The following PTPN9 variants were observed in gnomAD, a reference collection of about 807,000 sequenced individuals.
PTPN9 encodes the protein tyrosine-protein phosphatase non-receptor type 9.
In PTPN9, 26 loss-of-function variants were observed where a neutral mutation model predicts 69.8. The observed-to-expected ratio is 0.37, with a 90% CI of 0.27 to 0.52. The LOEUF is 0.52. Among genes scored for constraint, PTPN9 ranks in the 20% least tolerant of loss-of-function variants. The pLI is 0.91. For synonymous variants in PTPN9, 274 were observed against 272.5 expected (o/e 1.01, Z -0.05); for missense variants, 549 against 740.3 (o/e 0.74, Z 3.00).
chr15:75,520,335 C>T (rs1403773837), intron 4 of PTPN9, among the ~76,000 whole-genome samples: 2 of 151,800 alleles, frequency 1.3e-5, no homozygotes, highest in African/African-American at 4.8e-5. Flanking sequence ...AGCTTGGATG[C>T]ATAATGAATG....
chr15:75,524,144 C>T (rs2074917179), intron 3 of PTPN9, 65 bp downstream of exon 3: 2 of 755,804 alleles, frequency 2.6e-6, no homozygotes, highest in Non-Finnish European at 4.0e-6. Flanking sequence ...AAACAAAGTC[C>T]AAACAGGACA....
intron 4 of PTPN9, among the ~76,000 whole-genome samples, chr15:75,521,700 G>A (rs1279599216): frequency 1.3e-5 from 2 of 152,054 alleles, no homozygotes; most frequent in Non-Finnish European, 2.9e-5. Flanking sequence ...GACAAACCAA[G>A]CCCTAGTCTC....
rs762520293 is a variant in PTPN9, at chr15:75,507,446, C to CA, written c.640-1444dup. On this transcript the variant is annotated intron_variant, in intron 6 of 12. Transcript: ENST00000618819. The stretch of plus-strand genomic sequence containing the variant: ...CAGCGACAACAGCAAAACTCTGTCG[C>CA]AAAAAAAAAAAAAAAAAAAGAAAGA... 6.0e-3 allele frequency among the ~76,000 whole-genome samples: 533 copies of CA among 89,036 alleles called. 3 individuals are homozygous for CA. Among genetic ancestry groups the CA allele is most frequent in the East Asian group, 7.9e-3 (24 of 3,032 alleles). The allele number at this position is 89,036 out of a possible 152,430, so 58.4% of individuals were successfully genotyped here. A position where few individuals can be genotyped will look rare whatever the true frequency, so the allele number is the denominator to read the frequency against.
chr15:75,494,647 C>T (rs539308110), intron 7 of PTPN9, among the ~76,000 whole-genome samples: 2 of 152,034 alleles, frequency 1.3e-5, no homozygotes, highest in African/African-American at 4.8e-5. Flanking sequence ...GCCACTGTGC[C>T]CAGCCTCTCT....
At chr15:75,574,232 C>T (rs550924884) in intron 1 of PTPN9, among the ~76,000 whole-genome samples, 1 of 151,338 alleles carries the variant, frequency 6.6e-6, no homozygotes, top group African/African-American at 2.4e-5. Context: ...CTGTAATGAG[C>T]CGTGATTACA....
chr15:75,551,430 ACTGAAAC>A (rs374336660), intron 1 of PTPN9, among the ~76,000 whole-genome samples: 137 of 151,784 alleles, frequency 9.0e-4, no homozygotes, highest in African/African-American at 3.2e-3. Flanking sequence ...ATCTCAGCTC[ACTGAAAC>A]CTCTGCCTCC....
intron 4 of PTPN9, among the ~76,000 whole-genome samples, chr15:75,521,697 C>A (rs1228456796): frequency 1.3e-5 from 2 of 152,018 alleles, no homozygotes; most frequent in African/African-American, 2.4e-5. Context: ...GGTGACAAAC[C>A]AAGCCCTAGT....
intron 7 of PTPN9, among the ~76,000 whole-genome samples, chr15:75,504,888 C>T (rs980154782): frequency 6.6e-5 from 10 of 151,558 alleles, no homozygotes; most frequent in African/African-American, 2.4e-4. Context: ...AGGTGAGGGG[C>T]ACCTCTGCCC....
chr15:75,551,547 AG>A (rs1375177220), intron 1 of PTPN9, among the ~76,000 whole-genome samples: 2 of 152,142 alleles, frequency 1.3e-5, no homozygotes, highest in African/African-American at 2.4e-5. Flanking sequence ...TTTAGTAAAG[AG>A]GGGGTTTCAC....
At chr15:75,516,446 G>T (rs1279364331) in intron 5 of PTPN9, among the ~76,000 whole-genome samples, 2 of 151,484 alleles carry the variant, frequency 1.3e-5, no homozygotes, top group Non-Finnish European at 2.9e-5. Flanking sequence ...TGGGACTACA[G>T]GCGCCTGCCA....
chr15:75,530,681 ATTATAT>A (rs1567506868), intron 1 of PTPN9, among the ~76,000 whole-genome samples: 1 of 35,880 alleles, frequency 2.8e-5, no homozygotes, highest in Non-Finnish European at 4.1e-5. Flanking sequence ...TATATATATT[ATTATAT>A]TATAATATAT....
intron 7 of PTPN9, among the ~76,000 whole-genome samples, chr15:75,503,365 G>T (rs1354270592): frequency 8.7e-6 from 1 of 115,074 alleles, no homozygotes; most frequent in Non-Finnish European, 1.8e-5. Context: ...CTGCCCAGCC[G>T]CCCCGTCTGA....
chr15:75,492,883 T>G (rs1293627834), intron 7 of PTPN9, among the ~76,000 whole-genome samples: 1 of 152,216 alleles, frequency 6.6e-6, no homozygotes, highest in African/African-American at 2.4e-5. Context: ...CTTGTCACGG[T>G]GGCTCATGCC....
At chr15:75,578,644 G>T in intron 1 of PTPN9, 70 bp downstream of exon 1, 1 of 1,207,858 alleles carries the variant, frequency 8.3e-7, no homozygotes, top group Non-Finnish European at 1.1e-6. Context: ...GCCGGCACTC[G>T]GGAGGCAGAG....
At chr15:75,515,184 T>C (rs1171272324) in intron 5 of PTPN9, among the ~76,000 whole-genome samples, 1 of 151,816 alleles carries the variant, frequency 6.6e-6, no homozygotes, top group Non-Finnish European at 1.5e-5. Context: ...TCCCAGCACT[T>C]TGGGAGGCTG....
intron 7 of PTPN9, among the ~76,000 whole-genome samples, chr15:75,499,460 C>T (rs1341253608): frequency 4.8e-5 from 6 of 126,274 alleles, no homozygotes; most frequent in East Asian, 4.8e-4. Flanking sequence ...GGCTGGAGTG[C>T]GGTGGCATGA....
At chr15:75,472,779 C>CA (rs71440239) in intron 10 of PTPN9, among the ~76,000 whole-genome samples, 88,047 of 136,090 alleles carry the variant, frequency 0.65, 29,521 homozygotes, top group Non-Finnish European at 0.74. Context: ...ACACCATCTC[C>CA]AAAAAAAAAA....
At chr15:75,481,062 T>C (rs2074630230) in intron 8 of PTPN9, among the ~76,000 whole-genome samples, 1 of 60,628 alleles carries the variant, frequency 1.6e-5, no homozygotes, top group Non-Finnish European at 3.2e-5. Context: ...ATCTAGGAAG[T>C]GAGGAGCGTC....
chr15:75,481,285 A>C, intron 8 of PTPN9, among the ~76,000 whole-genome samples: 2 of 79,924 alleles, frequency 2.5e-5, no homozygotes, highest in South Asian at 6.0e-4. Context: ...CAGCCACCCC[A>C]TCTGGGAAGT....
Sources: gnomAD v4.1 joint callset for allele counts (sites outside exome capture counted in the v4.1 genomes callset) on GRCh38, gnomAD v4.1.1 for gene constraint, MANE v1.5 for transcripts, NCBI Gene and HGNC (gene_info 2026-07-23, HGNC 2026-07-21) for gene names.